The following CNTNAP2 variants were observed in gnomAD, a reference collection of about 807,000 sequenced individuals.
CNTNAP2 encodes contactin-associated protein-like 2.
Under a neutral mutation model 155.2 loss-of-function variants are expected in CNTNAP2, and 98 were observed. The observed-to-expected ratio is 0.63, with a 90% CI of 0.54 to 0.75. The LOEUF is 0.75. CNTNAP2 is among the 30% of genes least tolerant of loss of function. The pLI, the probability that CNTNAP2 is intolerant of heterozygous loss-of-function variation, is 0.00. For missense variants in CNTNAP2, 1,727 were observed against 1,688.1 expected (o/e 1.02, Z -0.40); for synonymous variants, 651 against 631.2 (o/e 1.03, Z -0.47).
chr7:147,836,296 T>C (rs1798633651), intron 13 of CNTNAP2, among the ~76,000 whole-genome samples: 1 of 152,184 alleles, frequency 6.6e-6, no homozygotes, highest in Non-Finnish European at 1.5e-5. Flanking sequence ...TTTAATATTA[T>C]ATAAAAGGCT....
At chr7:146,414,561 C>T (rs545902003) in intron 1 of CNTNAP2, among the ~76,000 whole-genome samples, 1 of 152,112 alleles carries the variant, frequency 6.6e-6, no homozygotes, top group African/African-American at 2.4e-5. Context: ...CTGTGTTATC[C>T]CTGAGCTTCA....
At chr7:147,374,169 TCTTA>T (rs1031401644) in intron 9 of CNTNAP2, among the ~76,000 whole-genome samples, 4 of 152,098 alleles carry the variant, frequency 2.6e-5, no homozygotes, top group South Asian at 2.1e-4. Context: ...TTATTTTTTT[TCTTA>T]CTTAAACATA....
At chr7:146,886,240 T>C (rs937536484) in intron 3 of CNTNAP2, among the ~76,000 whole-genome samples, 1 of 151,244 alleles carries the variant, frequency 6.6e-6, no homozygotes, top group Non-Finnish European at 1.5e-5. Context: ...CTCTAAGGTT[T>C]TCCCTTATGC....
At position 148,415,779 on chromosome 7, in the gene CNTNAP2, A is replaced by C. The variant is rs981141941; in HGVS notation, c.*163A>C. The C allele has an allele frequency of 3.0e-6, 2 of 677,576 alleles. No individual in the cohort carries two copies. Among genetic ancestry groups the C allele is most frequent in the Admixed American group, 7.9e-5 (2 of 25,418 alleles). 42.0% of individuals were successfully genotyped at this position (677,576 alleles called of 1,614,324 possible). Reference sequence around the variant, plus strand: ...TAATGGAATATTCTTGAGACTGATCACAAAAAAAAAAACCTTTTTAATATT... The same window carrying C: ...TAATGGAATATTCTTGAGACTGATCCCAAAAAAAAAAACCTTTTTAATATT... On this transcript the variant is annotated 3_prime_UTR_variant, in exon 24 of 24. Coordinates refer to ENST00000361727, the MANE Select transcript of CNTNAP2 (RefSeq NM_014141.6).
chr7:148,118,507 C>T (rs1804525933), intron 16 of CNTNAP2, among the ~76,000 whole-genome samples: 1 of 152,114 alleles, frequency 6.6e-6, no homozygotes, highest in African/African-American at 2.4e-5. Context: ...GATTCTCAAG[C>T]AATTAGTCAA....
chr7:146,478,886 A>G (rs1796918979), intron 1 of CNTNAP2, among the ~76,000 whole-genome samples: 1 of 152,184 alleles, frequency 6.6e-6, no homozygotes, highest in African/African-American at 2.4e-5. Context: ...TATAATATGT[A>G]AATTAAAGAT....
intron 18 of CNTNAP2, among the ~76,000 whole-genome samples, chr7:148,201,830 C>T (rs1795375404): frequency 6.6e-6 from 1 of 151,934 alleles, no homozygotes; most frequent in African/African-American, 2.4e-5. Flanking sequence ...AAAAATAAGA[C>T]ATTAGAAAGA....
intron 15 of CNTNAP2, among the ~76,000 whole-genome samples, chr7:147,990,788 C>T (rs949275865): frequency 1.1e-4 from 17 of 152,172 alleles, no homozygotes; most frequent in Non-Finnish European, 1.5e-4. Context: ...CAACCAGTGA[C>T]GCTCACCCAG....
chr7:147,011,345 C>T lies in CNTNAP2; in HGVS notation c.403-32562C>T, dbSNP rs146137204. On this transcript the variant is annotated intron_variant, in intron 3 of 23. Coordinates refer to ENST00000361727, the MANE Select transcript of CNTNAP2 (RefSeq NM_014141.6). ...AGGAGAATCACTTGAACCTGGGAGG[C>T]GAGGCGGGGGTTGCAATGAGCCAAG... Among the ~76,000 whole-genome samples the T allele has an allele frequency of 1.6e-4, 22 of 136,200 alleles. No individual in the cohort carries two copies. The East Asian group carries it at 4.6e-3, about 29-fold the overall frequency. 89.4% of individuals were successfully genotyped at this position (136,200 alleles called of 152,430 possible). A position where few individuals can be genotyped will look rare whatever the true frequency, so the allele number is the denominator to read the frequency against.
At position 147,402,145 on chromosome 7, in the gene CNTNAP2, C is replaced by T. The variant is rs770275195; in HGVS notation, c.1670+6365C>T. 3.9e-4 allele frequency among the ~76,000 whole-genome samples: 60 copies of T among 152,176 alleles called. 1 individual carries two copies. The highest frequency in any genetic ancestry group is 7.2e-4 in the African/African-American group (30 of 41,448). On this transcript the variant is annotated intron_variant, in intron 10 of 23. Transcript: ENST00000361727. ...ATCACTCCTCCTTTCCGTGTATATTCGGTCAACATGGGAGTTGATCTCAGT... is the reference window on the plus strand; with the variant it reads ...ATCACTCCTCCTTTCCGTGTATATTTGGTCAACATGGGAGTTGATCTCAGT...
chr7:146,625,865 G>A (rs1471840295), intron 1 of CNTNAP2, among the ~76,000 whole-genome samples: 1 of 151,964 alleles, frequency 6.6e-6, no homozygotes, highest in Non-Finnish European at 1.5e-5. Context: ...CACACAAGCT[G>A]GGATGTTACC....
intron 21 of CNTNAP2, among the ~76,000 whole-genome samples, chr7:148,275,332 C>G (rs1360138770): frequency 6.6e-6 from 1 of 151,964 alleles, no homozygotes; most frequent in Non-Finnish European, 1.5e-5. Context: ...GCACTTGAGC[C>G]AGTCCAGGAG....
chr7:146,821,776 C>A (rs1009890534), intron 2 of CNTNAP2, among the ~76,000 whole-genome samples: 23 of 151,944 alleles, frequency 1.5e-4, no homozygotes, highest in Admixed American at 6.5e-4. Context: ...AATGAGATAC[C>A]ATCTCACACC....
At chr7:146,947,347 C>G (rs1248984139) in intron 3 of CNTNAP2, among the ~76,000 whole-genome samples, 1 of 148,240 alleles carries the variant, frequency 6.7e-6, no homozygotes, top group African/African-American at 2.5e-5. Context: ...AGATAATTGA[C>G]AGCTTTGTGA....
chr7:147,408,209 A>T (rs1171481632), intron 10 of CNTNAP2, among the ~76,000 whole-genome samples: 1 of 152,196 alleles, frequency 6.6e-6, no homozygotes, highest in Non-Finnish European at 1.5e-5. Context: ...GTTGGAAAAA[A>T]ACACACAAAC....
chr7:146,250,098 C>T (rs1799732394), intron 1 of CNTNAP2, among the ~76,000 whole-genome samples: 2 of 151,988 alleles, frequency 1.3e-5, no homozygotes, highest in East Asian at 3.9e-4. Flanking sequence ...ACAAATTACC[C>T]CAAAGTTAAC....
chr7:146,249,843 G>A (rs13224737), intron 1 of CNTNAP2, among the ~76,000 whole-genome samples: 6 of 151,946 alleles, frequency 3.9e-5, no homozygotes, highest in African/African-American at 1.4e-4. Context: ...GAAAGACTTA[G>A]ATTATACTTA....
At chr7:147,115,319 T>C (rs1396350572) in intron 5 of CNTNAP2, among the ~76,000 whole-genome samples, 1 of 152,116 alleles carries the variant, frequency 6.6e-6, no homozygotes, top group Non-Finnish European at 1.5e-5. Flanking sequence ...TCTTGTGGAG[T>C]ATCTTACTGA....
At chr7:148,325,400 G>A (rs566043199) in intron 21 of CNTNAP2, among the ~76,000 whole-genome samples, 18 of 152,310 alleles carry the variant, frequency 1.2e-4, no homozygotes, top group African/African-American at 4.3e-4. Flanking sequence ...AACTTCATTT[G>A]TTTGTCTAAC....
Sources: allele counts gnomAD v4.1 joint callset (sites outside exome capture counted in the v4.1 genomes callset), GRCh38; gene constraint gnomAD v4.1.1; transcripts MANE v1.5; gene names NCBI Gene and HGNC (gene_info 2026-07-23, HGNC 2026-07-21).